UBE4B: variants seen among roughly 807,000 people sequenced by gnomAD.
The protein encoded by UBE4B is ubiquitin conjugation factor E4 B.
In UBE4B, 27 loss-of-function variants were observed where a neutral mutation model predicts 148.1. The observed-to-expected ratio is 0.18, with a 90% CI of 0.13 to 0.25. The LOEUF (loss-of-function observed/expected upper bound fraction) is 0.25. Ranked by LOEUF, UBE4B falls within the 10% of genes least tolerant of loss-of-function variation. The pLI, the probability that UBE4B is intolerant of heterozygous loss-of-function variation, is 1.00. For missense variants in UBE4B, 1,170 were observed against 1,662.4 expected, an observed-to-expected ratio of 0.70 and a Z score of 5.15; for synonymous variants, 596 against 619.3, an observed-to-expected ratio of 0.96 and a Z score of 0.56.
intron 1 of UBE4B, among the ~76,000 whole-genome samples, chr1:10,034,227 A>G (rs947879403): frequency 6.6e-6 from 1 of 152,204 alleles, no homozygotes; most frequent in Non-Finnish European, 1.5e-5. Context: ...TATCTTCTCC[A>G]CAGTTTAGAG....
intron 1 of UBE4B, among the ~76,000 whole-genome samples, chr1:10,065,492 G>A (rs1188892145): frequency 6.6e-6 from 1 of 152,184 alleles, no homozygotes; most frequent in African/African-American, 2.4e-5. Flanking sequence ...ATTTCCCCAC[G>A]CTGCAGGGGT....
chr1:10,152,395 CT>C (rs1392234843), intron 21 of UBE4B, among the ~76,000 whole-genome samples: 1 of 152,018 alleles, frequency 6.6e-6, no homozygotes, highest in African/African-American at 2.4e-5. Flanking sequence ...CCTGCTTAAT[CT>C]ACCCTATAGC....
chr1:10,160,502 A>G (rs1448795632), intron 22 of UBE4B, among the ~76,000 whole-genome samples: 1 of 152,096 alleles, frequency 6.6e-6, no homozygotes, highest in African/African-American at 2.4e-5. Context: ...CTGGTTTTCC[A>G]TGGTGTGACT....
At chr1:10,112,555 A>G (rs1302931330) in intron 7 of UBE4B, among the ~76,000 whole-genome samples, 2 of 152,112 alleles carry the variant, frequency 1.3e-5, no homozygotes, top group East Asian at 1.9e-4. Flanking sequence ...ACCCGCCACC[A>G]TGCCTGGCTA....
intron 5 of UBE4B, 36 bp downstream of exon 5, chr1:10,103,128 C>A: frequency 6.5e-7 from 1 of 1,542,392 alleles, no homozygotes; most frequent in Non-Finnish European, 8.8e-7. Context: ...CTGCAGAGTA[C>A]TCGACAAGAA....
chr1:10,040,186 G>A (rs552610916), intron 1 of UBE4B, among the ~76,000 whole-genome samples: 2 of 151,126 alleles, frequency 1.3e-5, no homozygotes, highest in South Asian at 4.2e-4. Flanking sequence ...GTGCAGTGGC[G>A]CAACCTCAGC....
intron 1 of UBE4B, among the ~76,000 whole-genome samples, chr1:10,051,684 GGAAA>G (rs1644048430): frequency 6.6e-6 from 1 of 152,008 alleles, no homozygotes; most frequent in Non-Finnish European, 1.5e-5. Flanking sequence ...GCTTTGAAAG[GGAAA>G]GAAGAGTGTG....
chr1:10,044,604 C>T (rs918709783), intron 1 of UBE4B, among the ~76,000 whole-genome samples: 2 of 151,796 alleles, frequency 1.3e-5, no homozygotes, highest in East Asian at 1.9e-4. Context: ...TTCCACCGCC[C>T]GCCTGTCTCG....
At position 10,057,747 on chromosome 1, in the gene UBE4B, A is replaced by AG. The variant is rs1201922920; in HGVS notation, c.25-14280dup. On this transcript the variant is annotated intron_variant, in intron 1 of 27. Transcript: ENST00000343090. The stretch of plus-strand genomic sequence containing the variant: ...CCTGTCTCACAGAAAAAAAAAAAAA[A>AG]GAAAGAAAAAAGAAAAATGTATTTT... 2.6e-5 allele frequency among the ~76,000 whole-genome samples: 4 copies of AG among 151,556 alleles called. No individual in the cohort carries two copies. In the East Asian group the frequency reaches 7.7e-4, roughly 29 times the overall value.
At chr1:10,139,056 G>C (rs1288405137) in intron 17 of UBE4B, among the ~76,000 whole-genome samples, 2 of 152,144 alleles carry the variant, frequency 1.3e-5, no homozygotes, top group African/African-American at 4.8e-5. Flanking sequence ...TTCATTTCTT[G>C]TTAAGTGCAT....
chr1:10,131,691 G>T (rs1645595949), intron 14 of UBE4B, among the ~76,000 whole-genome samples: 1 of 152,034 alleles, frequency 6.6e-6, no homozygotes, highest in Admixed American at 6.6e-5. Flanking sequence ...GTGAAACCTC[G>T]TCACTGCTAA....
intron 18 of UBE4B, among the ~76,000 whole-genome samples, chr1:10,146,446 T>C (rs1374108785): frequency 6.6e-6 from 1 of 152,178 alleles, no homozygotes; most frequent in Admixed American, 6.6e-5. Flanking sequence ...AGCAAGACTC[T>C]GTCTCAAAAT....
intron 1 of UBE4B, among the ~76,000 whole-genome samples, chr1:10,065,995 G>A (rs960939404): frequency 2.6e-5 from 4 of 151,214 alleles, no homozygotes; most frequent in Admixed American, 1.3e-4. Flanking sequence ...AGTAGATATC[G>A]AAGTGAATAT....
At chr1:10,061,702 C>T (rs1299691308) in intron 1 of UBE4B, among the ~76,000 whole-genome samples, 2 of 152,080 alleles carry the variant, frequency 1.3e-5, no homozygotes, top group East Asian at 3.9e-4. Flanking sequence ...ACCCCTGCCC[C>T]AGGTATTCTC....
chr1:10,051,245 C>A (rs1433948364), intron 1 of UBE4B, among the ~76,000 whole-genome samples: 1 of 152,128 alleles, frequency 6.6e-6, no homozygotes, highest in African/African-American at 2.4e-5. Context: ...GCCTCAGTTT[C>A]CTCACTTATA....
chr1:10,165,175 A>C (rs1339574968), intron 23 of UBE4B, among the ~76,000 whole-genome samples: 1 of 152,174 alleles, frequency 6.6e-6, no homozygotes. Flanking sequence ...CACTGTGTCC[A>C]AAACGGAACC....
At chr1:10,042,588 A>G (rs1443649367) in intron 1 of UBE4B, among the ~76,000 whole-genome samples, 1 of 152,216 alleles carries the variant, frequency 6.6e-6, no homozygotes, top group Admixed American at 6.5e-5. Flanking sequence ...CAGGGGTTAC[A>G]GTGAGCTGAG....
chr1:10,129,392 G>T lies in UBE4B; in HGVS notation c.1639G>T (p.Ala547Ser). Residue 547 changes from alanine (A) to serine (S), a missense_variant and splice_region_variant, in exon 12 of 28, where the codon GCA becomes TCA. Ala to Ser is a moderately conservative substitution (Grantham distance 99). This residue lies in a region of UBE4B where 388 missense variants were observed against 536.0 expected (regional missense o/e 0.72). Transcript: ENST00000343090. Reference sequence around the variant, plus strand: ...TAAATGACTCTGATCTTATTTCTAGGCACTAGGTGAGCTCTGTGAAACCAA... The same window carrying T: ...TAAATGACTCTGATCTTATTTCTAGTCACTAGGTGAGCTCTGTGAAACCAA... ...DSDYFKYPLM[A>S]LGELCETKFG... is the part of the protein sequence containing the mutation. The T allele has an allele frequency of 3.7e-6, 6 of 1,610,036 alleles. No individual in the cohort carries two copies. The highest frequency in any genetic ancestry group is 5.1e-6 in the Non-Finnish European group (6 of 1,176,686).
chr1:10,144,691 CAG>C (rs1230448228), intron 17 of UBE4B, among the ~76,000 whole-genome samples: 5 of 147,488 alleles, frequency 3.4e-5, no homozygotes, highest in Non-Finnish European at 7.4e-5. Flanking sequence ...GCTGAGATTG[CAG>C]CACTGCACTC....
Sources: allele counts gnomAD v4.1 joint callset (sites outside exome capture counted in the v4.1 genomes callset), GRCh38; gene constraint gnomAD v4.1.1; regional missense constraint gnomAD v4.1.1; transcripts MANE v1.5; gene names NCBI Gene and HGNC (gene_info 2026-07-23, HGNC 2026-07-21).